The following KIAA1217 variants were observed in gnomAD, a reference collection of about 807,000 sequenced individuals.
KIAA1217 encodes the protein KIAA1217.
KIAA1217 carries 88 observed loss-of-function variants against 163.9 expected under a neutral mutation model. The observed-to-expected ratio is 0.54, with a 90% CI of 0.45 to 0.64. The LOEUF is 0.64. Among genes scored for constraint, KIAA1217 ranks in the 30% least tolerant of loss-of-function variants. The pLI is 0.00. For missense variants in KIAA1217, 2,372 were observed against 2,475.0 expected, an observed-to-expected ratio of 0.96 and a Z score of 0.88; for synonymous variants, 903 against 923.1, an observed-to-expected ratio of 0.98 and a Z score of 0.39.
chr10:24,305,105 C>T (rs1173605588), intron 2 of KIAA1217, among the ~76,000 whole-genome samples: 2 of 152,128 alleles, frequency 1.3e-5, no homozygotes, highest in Non-Finnish European at 2.9e-5. Context: ...TTGACTGGAA[C>T]ACATTTAGTG....
Position 24,363,980 on chromosome 10 carries a change from C to CTT in KIAA1217, c.355-16875_355-16874dup, listed in dbSNP as rs11413263. ...AAACACTCAACTCTGGTCTCATCCA[C>CTT]TTTTTTTTTTTTTTTGAGACAGTGT... is the stretch of plus-strand genomic sequence containing the variant. On this transcript the variant is annotated intron_variant, in intron 2 of 20. Transcript: ENST00000376454. Among the ~76,000 whole-genome samples, 264 of 144,674 alleles carry CTT rather than the reference C, an allele frequency of 1.8e-3. 3 individuals are homozygous for CTT. The highest frequency in any genetic ancestry group is 4.9e-3 in the African/African-American group (192 of 39,522). The allele number at this position is 144,674 out of a possible 152,430, so 94.9% of individuals were successfully genotyped here. A position where few individuals can be genotyped will look rare whatever the true frequency, so the allele number is the denominator to read the frequency against.
Position 23,789,922 on chromosome 10 carries a change from C to T in KIAA1217, c.-321+94688C>T, listed in dbSNP as rs567722971. On this transcript the variant is annotated intron_variant, in intron 1 of 18. Transcript: ENST00000376462. Reference sequence around the variant, plus strand: ...ATATATACATATACATATGCATATACATGTATATATACACATATACATATA... The same window carrying T: ...ATATATACATATACATATGCATATATATGTATATATACACATATACATATA... 2.3e-3 allele frequency among the ~76,000 whole-genome samples: 205 copies of T among 88,920 alleles called. 5 individuals carry two copies. Among genetic ancestry groups the T allele is most frequent in the African/African-American group, 9.9e-3 (188 of 18,924 alleles). 58.3% of individuals were successfully genotyped at this position (88,920 alleles called of 152,430 possible).
At chr10:24,268,257 T>G (rs2131885664) in intron 2 of KIAA1217, among the ~76,000 whole-genome samples, 1 of 152,300 alleles carries the variant, frequency 6.6e-6, no homozygotes, top group Middle Eastern at 3.4e-3. Flanking sequence ...ACCTGTTATA[T>G]TTGAAATTCT....
chr10:23,967,834 T>C (rs1466306412), intron 1 of KIAA1217, among the ~76,000 whole-genome samples: 1 of 152,136 alleles, frequency 6.6e-6, no homozygotes, highest in East Asian at 1.9e-4. Context: ...GTCCTCTAAT[T>C]GCTTAGGCAC....
intron 1 of KIAA1217, among the ~76,000 whole-genome samples, chr10:23,945,147 A>G (rs773279828): frequency 1.3e-5 from 2 of 152,086 alleles, no homozygotes; most frequent in Non-Finnish European, 2.9e-5. Context: ...ACACATTCAC[A>G]CAGACACACA....
intron 2 of KIAA1217, among the ~76,000 whole-genome samples, chr10:24,058,594 G>A (rs1254434503): frequency 6.6e-6 from 1 of 151,652 alleles, no homozygotes; most frequent in Non-Finnish European, 1.5e-5. Context: ...TTTTCAGTGT[G>A]CAAATCCTTC....
intron 1 of KIAA1217, among the ~76,000 whole-genome samples, chr10:23,813,315 T>A (rs891694978): frequency 3.9e-5 from 6 of 152,070 alleles, no homozygotes; most frequent in African/African-American, 1.4e-4. Flanking sequence ...GTATTATATA[T>A]AAAATTCTCT....
At chr10:23,699,957 A>G (rs747239536) in intron 1 of KIAA1217, among the ~76,000 whole-genome samples, 2 of 152,208 alleles carry the variant, frequency 1.3e-5, no homozygotes, top group African/African-American at 2.4e-5. Flanking sequence ...CTTGATGAAA[A>G]TTTGTTGAAT....
At chr10:24,216,077 A>T (rs2068775338) in intron 1 of KIAA1217, among the ~76,000 whole-genome samples, 1 of 152,170 alleles carries the variant, frequency 6.6e-6, no homozygotes, top group African/African-American at 2.4e-5. Context: ...ACAGAAAAGC[A>T]ACATGAGGTG....
At chr10:24,057,103 T>C (rs2131593015) in intron 2 of KIAA1217, among the ~76,000 whole-genome samples, 1 of 151,998 alleles carries the variant, frequency 6.6e-6, no homozygotes, top group African/African-American at 2.4e-5. Flanking sequence ...TTAAATTAGC[T>C]AAGCATCATG....
chr10:24,175,045 A>G (rs1179611240), intron 2 of KIAA1217, among the ~76,000 whole-genome samples: 1 of 151,004 alleles, frequency 6.6e-6, no homozygotes, highest in East Asian at 1.9e-4. Flanking sequence ...TATTTTCAGT[A>G]GAGACAGGGT....
chr10:23,849,476 T>C (rs1447240601), intron 1 of KIAA1217, among the ~76,000 whole-genome samples: 2 of 152,062 alleles, frequency 1.3e-5, no homozygotes, highest in Non-Finnish European at 2.9e-5. Flanking sequence ...GGCACCTGAT[T>C]GATACAGTGT....
chr10:23,991,443 C>T (rs1220478455), intron 1 of KIAA1217, among the ~76,000 whole-genome samples: 1 of 152,112 alleles, frequency 6.6e-6, no homozygotes, highest in Admixed American at 6.5e-5. Flanking sequence ...AGCTTATTCT[C>T]TAATTAAGAA....
intron 2 of KIAA1217, among the ~76,000 whole-genome samples, chr10:24,339,782 A>G (rs530409238): frequency 1.2e-4 from 19 of 152,206 alleles, no homozygotes; most frequent in Non-Finnish European, 2.6e-4. Context: ...CCACCATTTA[A>G]TTGCATTTAG....
At chr10:23,821,885 G>A (rs1184370822) in intron 1 of KIAA1217, among the ~76,000 whole-genome samples, 1 of 152,246 alleles carries the variant, frequency 6.6e-6, no homozygotes, top group East Asian at 1.9e-4. Context: ...GCTGAGATGC[G>A]TGTTGTCCAA....
At chr10:23,854,456 G>T (rs201237393) in intron 1 of KIAA1217, among the ~76,000 whole-genome samples, 1 of 152,206 alleles carries the variant, frequency 6.6e-6, no homozygotes, top group African/African-American at 2.4e-5. Flanking sequence ...TTTTGGAGTA[G>T]GTGTGGTGTG....
At position 24,495,180 on chromosome 10, in the gene KIAA1217, C is replaced by T. The variant is rs1196810370; in HGVS notation, c.1818C>T (p.Asn606=). ...TGATGAAAACCACAGCCAACAGGAA[C>T]CACACAGATAGTGCAGGTAAGTAAG... The part of the protein sequence containing the change: ...EKMMKTTANR[N]HTDSAGTPHV... Residue 606 remains asparagine (N), a synonymous_variant, in exon 8 of 21, where the codon AAC becomes AAT. Coordinates refer to ENST00000376454, the MANE Select transcript of KIAA1217 (RefSeq NM_019590.5). The T allele has an allele frequency of 1.9e-6, 3 of 1,612,926 alleles. No individual in the cohort carries two copies. The Admixed American group carries it at 5.0e-5, about 27-fold the overall frequency.
chr10:24,467,304 C>T (rs2063054577), intron 5 of KIAA1217, among the ~76,000 whole-genome samples: 1 of 152,156 alleles, frequency 6.6e-6, no homozygotes, highest in African/African-American at 2.4e-5. Context: ...TGTCAGCCTG[C>T]TATTATGATG....
chr10:24,000,941 T>C (rs1399240127), intron 1 of KIAA1217, among the ~76,000 whole-genome samples: 1 of 152,228 alleles, frequency 6.6e-6, no homozygotes, highest in Non-Finnish European at 1.5e-5. Flanking sequence ...GTGTGGACTC[T>C]GATGGCCTGA....
Sources: gnomAD v4.1 joint callset for allele counts (sites outside exome capture counted in the v4.1 genomes callset) on GRCh38, gnomAD v4.1.1 for gene constraint, MANE v1.5 for transcripts, NCBI Gene and HGNC (gene_info 2026-07-23, HGNC 2026-07-21) for gene names.